Variants in NEK10 observed in about 807,000 individuals in gnomAD.
NEK10 encodes serine/threonine-protein kinase Nek10.
A neutral mutation model predicts 159.8 loss-of-function variants in NEK10; 122 were observed. The ratio of observed to expected loss-of-function variants is 0.76; its 90% CI spans 0.66 to 0.89. The LOEUF (loss-of-function observed/expected upper bound fraction) is 0.89, where lower values mean the gene tolerates loss of function less well. NEK10 is among the 40% of genes least tolerant of loss of function. The pLI is 0.00. For missense variants in NEK10, 1,342 were observed against 1,323.1 expected (o/e 1.01, Z -0.22); for synonymous variants, 466 against 457.1 (o/e 1.02, Z -0.25).
intron 30 of NEK10, among the ~76,000 whole-genome samples, chr3:27,157,830 A>G (rs1945635822): frequency 6.6e-6 from 1 of 152,110 alleles, no homozygotes; most frequent in Non-Finnish European, 1.5e-5. Flanking sequence ...CAACCACCCC[A>G]ATCTTTAGCA....
intron 5 of NEK10, among the ~76,000 whole-genome samples, chr3:27,330,381 T>G (rs930031729): frequency 2.6e-5 from 4 of 152,178 alleles, no homozygotes; most frequent in African/African-American, 9.7e-5. Context: ...AAGACAAATT[T>G]CATTCTCAAA....
intron 23 of NEK10, among the ~76,000 whole-genome samples, chr3:27,225,889 T>G (rs1952586551): frequency 6.6e-6 from 1 of 152,160 alleles, no homozygotes; most frequent in Non-Finnish European, 1.5e-5. Flanking sequence ...TTGACTTGCT[T>G]AAGGAAAAGA....
intron 22 of NEK10, among the ~76,000 whole-genome samples, chr3:27,258,476 T>G (rs1956459404): frequency 1.3e-5 from 2 of 151,150 alleles, no homozygotes; most frequent in South Asian, 4.2e-4. Context: ...CGGTGTTTGG[T>G]TTTTTGTTCT....
At chr3:27,180,612 C>T (rs979499450) in intron 26 of NEK10, among the ~76,000 whole-genome samples, 1 of 152,062 alleles carries the variant, frequency 6.6e-6, no homozygotes, top group Non-Finnish European at 1.5e-5. Flanking sequence ...GAATGAAACA[C>T]CAAATTAGAA....
At chr3:27,254,039 G>GA (rs1268521333) in intron 23 of NEK10, among the ~76,000 whole-genome samples, 4 of 151,656 alleles carry the variant, frequency 2.6e-5, no homozygotes, top group Non-Finnish European at 4.4e-5. Context: ...CTTGTGATTG[G>GA]AAAAAAAATA....
At position 27,109,557 on chromosome 3, in the gene NEK10, GA is replaced by G. The variant is rs1231115397; in HGVS notation, c.*1714del. ...CTGTTTACTATATACTACCATTTGG[GA>G]AATAACTTGATTTCAAACTCTCACC... On this transcript the variant is annotated 3_prime_UTR_variant, in exon 36 of 36. Coordinates refer to ENST00000691995, the MANE Select transcript of NEK10 (RefSeq NM_001394966.1). 2.6e-5 allele frequency among the ~76,000 whole-genome samples: 4 copies of G among 152,110 alleles called. No individual in the cohort carries two copies. In the East Asian group the frequency reaches 7.7e-4, roughly 29 times the overall value.
At chr3:27,213,245 A>C (rs1951177138) in intron 23 of NEK10, among the ~76,000 whole-genome samples, 1 of 152,192 alleles carries the variant, frequency 6.6e-6, no homozygotes, top group Non-Finnish European at 1.5e-5. Context: ...AGATGCCAAG[A>C]ACCTGGACTC....
chr3:27,209,005 A>G (rs1950769386), intron 23 of NEK10, among the ~76,000 whole-genome samples: 1 of 152,232 alleles, frequency 6.6e-6, no homozygotes, highest in African/African-American at 2.4e-5. Flanking sequence ...AGAGCTGTGG[A>G]ATAATATACT....
At chr3:27,334,782 A>G (rs1054780436) in intron 5 of NEK10, among the ~76,000 whole-genome samples, 10 of 152,226 alleles carry the variant, frequency 6.6e-5, no homozygotes, top group African/African-American at 2.4e-4. Flanking sequence ...AGAAGTGACT[A>G]TTATACCAGA....
At chr3:27,136,103 A>ATTTTTTTTTT (rs775843715) in intron 31 of NEK10, among the ~76,000 whole-genome samples, 1 of 60,680 alleles carries the variant, frequency 1.6e-5, no homozygotes, top group Non-Finnish European at 3.1e-5. Flanking sequence ...TAGGAGATCG[A>ATTTTTTTTTT]TTTTTTTTTT....
intron 19 of NEK10, among the ~76,000 whole-genome samples, chr3:27,288,161 T>C (rs2042752443): frequency 6.6e-6 from 1 of 152,224 alleles, no homozygotes; most frequent in South Asian, 2.1e-4. Context: ...CTCTCTACCA[T>C]CTAAATATTT....
At chr3:27,217,432 G>A (rs1402146268) in intron 23 of NEK10, among the ~76,000 whole-genome samples, 1 of 152,178 alleles carries the variant, frequency 6.6e-6, no homozygotes, top group African/African-American at 2.4e-5. Context: ...GGCCAGAGCA[G>A]GAGGAAGAGA....
At chr3:27,121,221 T>C (rs925004228) in intron 32 of NEK10, among the ~76,000 whole-genome samples, 4 of 152,212 alleles carry the variant, frequency 2.6e-5, no homozygotes, top group Admixed American at 1.3e-4. Flanking sequence ...ATATATATCA[T>C]GGTGTGTTCA....
At chr3:27,278,047 A>T (rs11914763) in intron 22 of NEK10, among the ~76,000 whole-genome samples, 96,534 of 152,072 alleles carry the variant, frequency 0.63, 32,887 homozygotes, top group African/African-American at 0.9. Context: ...AAATGGAACA[A>T]ATATGGTCTT....
chr3:27,279,245 A>G (rs1380830742), intron 22 of NEK10, among the ~76,000 whole-genome samples: 1 of 152,168 alleles, frequency 6.6e-6, no homozygotes, highest in Admixed American at 6.5e-5. Context: ...TTCTGATCAC[A>G]TTTTCAGTAC....
rs530104399 is a variant in NEK10 at position 27,108,090 on chromosome 3, G to A, written c.*3182C>T. Among the ~76,000 whole-genome samples, 18 of 152,134 alleles carry A rather than the reference G, an allele frequency of 1.2e-4. No individual in the cohort carries two copies. In the South Asian group the frequency reaches 3.1e-3, roughly 26 times the overall value. On this transcript the variant is annotated 3_prime_UTR_variant, in exon 36 of 36. Coordinates refer to ENST00000691995, the MANE Select transcript of NEK10 (RefSeq NM_001394966.1). ...ATAATCAGACCTGTATTTGTTTTTG[G>A]ACATCAAAATTCATAGTATTTAATG... is the stretch of plus-strand genomic sequence containing the variant.
At chr3:27,302,067 C>G (rs193214384) in intron 12 of NEK10, among the ~76,000 whole-genome samples, 1 of 152,326 alleles carries the variant, frequency 6.6e-6, no homozygotes, top group East Asian at 1.9e-4. Context: ...CCCCACTGCT[C>G]TACATGGCCA....
chr3:27,138,448 A>G (rs141655451), intron 31 of NEK10, among the ~76,000 whole-genome samples: 42 of 152,216 alleles, frequency 2.8e-4, no homozygotes, highest in African/African-American at 4.6e-4. Flanking sequence ...GGAGTGCCCA[A>G]TTCTATATTT....
At chr3:27,287,650 G>T in intron 20 of NEK10, 48 bp downstream of exon 20, 1 of 1,536,430 alleles carries the variant, frequency 6.5e-7, no homozygotes, top group South Asian at 1.2e-5. Context: ...AAATATATGT[G>T]ACAAAAATGT....
Sources: gnomAD v4.1 joint callset for allele counts (sites outside exome capture counted in the v4.1 genomes callset) on GRCh38, gnomAD v4.1.1 for gene constraint, MANE v1.5 for transcripts, NCBI Gene and HGNC (gene_info 2026-07-23, HGNC 2026-07-21) for gene names.